Variants in SNTB1 observed in about 807,000 individuals in gnomAD.
SNTB1 encodes beta-1-syntrophin.
SNTB1 carries 36 observed loss-of-function variants against 48.9 expected under a neutral mutation model. The ratio of observed to expected loss-of-function variants is 0.74; its 90% confidence interval spans 0.56 to 0.97. The LOEUF (loss-of-function observed/expected upper bound fraction) is 0.97. SNTB1 is among the 50% of genes least tolerant of loss of function. The pLI is 0.00. For synonymous variants in SNTB1, 299 were observed against 294.6 expected, an observed-to-expected ratio of 1.01 and a Z score of -0.15; for missense variants, 786 against 703.4, an observed-to-expected ratio of 1.12 and a Z score of -1.33.
intron 1 of SNTB1, among the ~76,000 whole-genome samples, chr8:120,806,218 C>T (rs1195448090): frequency 6.6e-6 from 1 of 152,188 alleles, no homozygotes. Context: ...CAACGAAGTG[C>T]AGAAGGGGTG....
intron 1 of SNTB1, among the ~76,000 whole-genome samples, chr8:120,740,108 T>A (rs1323059517): frequency 6.6e-6 from 1 of 152,162 alleles, no homozygotes; most frequent in African/African-American, 2.4e-5. Flanking sequence ...TTAGATTCTT[T>A]AAATTTAGTG....
rs1563820248 is a variant in SNTB1, at chr8:120,571,478, GGTTTTTTTTTTT to G, written c.1136+3596_1136+3607del. On this transcript the variant is annotated intron_variant, in intron 4 of 6. Coordinates refer to ENST00000517992, the MANE Select transcript of SNTB1 (RefSeq NM_021021.4). ...GGATGTTTACATTCTGACTATTGAGGGTTTTTTTTTTTTTTTTTTTTTTTTTTTTTTTTTTTT... is the reference window on the plus strand; with the variant it reads ...GGATGTTTACATTCTGACTATTGAGGTTTTTTTTTTTTTTTTTTTTTTTTT... 73 of 242,882 alleles carry G rather than the reference GGTTTTTTTTTTT, an allele frequency of 3.0e-4. 1 individual carries two copies. The highest frequency in any genetic ancestry group is 1.0e-3 in the South Asian group (29 of 28,258). The allele number at this position is 242,882 out of a possible 1,614,324, so 15.0% of individuals were successfully genotyped here.
chr8:120,627,149 T>C (rs867685454), intron 3 of SNTB1, among the ~76,000 whole-genome samples: 9 of 152,204 alleles, frequency 5.9e-5, no homozygotes, highest in African/African-American at 2.2e-4. Context: ...TGGTCACCAG[T>C]CAGGATGTAC....
intron 5 of SNTB1, among the ~76,000 whole-genome samples, chr8:120,543,666 G>A (rs930760677): frequency 1.3e-5 from 2 of 152,142 alleles, no homozygotes; most frequent in African/African-American, 2.4e-5. Flanking sequence ...AATAATGACA[G>A]TAGGCGGGGA....
At chr8:120,617,235 T>C (rs1374366201) in intron 3 of SNTB1, among the ~76,000 whole-genome samples, 2 of 152,176 alleles carry the variant, frequency 1.3e-5, no homozygotes, top group Non-Finnish European at 2.9e-5. Context: ...AGTGAGCTCT[T>C]ACCATGTTAA....
chr8:120,569,042 C>T (rs1274530544), intron 4 of SNTB1, among the ~76,000 whole-genome samples: 8 of 152,134 alleles, frequency 5.3e-5, no homozygotes, highest in African/African-American at 9.7e-5. Context: ...AGTGCAGTGG[C>T]GCGATCTCGG....
intron 1 of SNTB1, among the ~76,000 whole-genome samples, chr8:120,802,471 G>T (rs751851418): frequency 6.6e-6 from 1 of 152,152 alleles, no homozygotes. Context: ...ACTGTGGTCT[G>T]GTTGATGGAA....
chr8:120,758,881 T>A (rs759356690), intron 1 of SNTB1, among the ~76,000 whole-genome samples: 1 of 152,170 alleles, frequency 6.6e-6, no homozygotes, highest in Non-Finnish European at 1.5e-5. Flanking sequence ...TCTGCATCCA[T>A]CCTATCATCT....
At chr8:120,673,577 T>A (rs1437878000) in intron 2 of SNTB1, among the ~76,000 whole-genome samples, 1 of 152,078 alleles carries the variant, frequency 6.6e-6, no homozygotes, top group Non-Finnish European at 1.5e-5. Context: ...AGGCGTAAGC[T>A]GCTGCACCCA....
rs1042645451 is a variant in SNTB1 at position 120,746,382 on chromosome 8, G to A, written c.572-52474C>T. On this transcript the variant is annotated intron_variant, in intron 1 of 6. Transcript: ENST00000517992. ...TACATAATATATGTTAATTGATTATGCTATTGGTAAGACTTTGGTCAACAG... is the reference window on the plus strand; with the variant it reads ...TACATAATATATGTTAATTGATTATACTATTGGTAAGACTTTGGTCAACAG... Among the ~76,000 whole-genome samples the A allele has an allele frequency of 1.8e-4, 27 of 151,918 alleles. 1 individual carries two copies. Among genetic ancestry groups the A allele is most frequent in the African/African-American group, 6.3e-4 (26 of 41,332 alleles).
intron 3 of SNTB1, among the ~76,000 whole-genome samples, chr8:120,601,621 AT>A (rs1450878404): frequency 6.6e-6 from 1 of 152,106 alleles, no homozygotes; most frequent in African/African-American, 2.4e-5. Context: ...CCTGACTCTC[AT>A]TGTGTGCCCT....
intron 1 of SNTB1, among the ~76,000 whole-genome samples, chr8:120,755,326 G>A (rs1819300126): frequency 6.6e-6 from 1 of 152,116 alleles, no homozygotes; most frequent in Non-Finnish European, 1.5e-5. Context: ...TAAGGCAATA[G>A]CTATCAGAAC....
intron 4 of SNTB1, among the ~76,000 whole-genome samples, chr8:120,571,761 A>T (rs1419822244): frequency 1.3e-5 from 2 of 152,016 alleles, no homozygotes; most frequent in Non-Finnish European, 2.9e-5. Flanking sequence ...GGCCTCCCAG[A>T]GTGCTGGGAT....
chr8:120,638,558 C>A (rs893336723), intron 2 of SNTB1, among the ~76,000 whole-genome samples: 3 of 152,110 alleles, frequency 2.0e-5, no homozygotes, highest in Non-Finnish European at 2.9e-5. Flanking sequence ...CCTCCTCACT[C>A]CCCTCACCCC....
chr8:120,621,691 A>G (rs989810439), intron 3 of SNTB1, among the ~76,000 whole-genome samples: 3 of 152,190 alleles, frequency 2.0e-5, no homozygotes, highest in African/African-American at 7.2e-5. Context: ...GAATGTGTCA[A>G]TTCTACACAG....
At chr8:120,714,505 A>G (rs1433060747) in intron 1 of SNTB1, among the ~76,000 whole-genome samples, 1 of 152,046 alleles carries the variant, frequency 6.6e-6, no homozygotes, top group Non-Finnish European at 1.5e-5. Flanking sequence ...TCTGGCAAAA[A>G]CATTCTTCAT....
intron 4 of SNTB1, among the ~76,000 whole-genome samples, chr8:120,561,809 T>C (rs1233655966): frequency 1.3e-5 from 2 of 152,200 alleles, no homozygotes; most frequent in Non-Finnish European, 1.5e-5. Flanking sequence ...CCTCCAGATA[T>C]TCTCCTACCA....
chr8:120,785,423 C>T (rs1563601732), intron 1 of SNTB1, among the ~76,000 whole-genome samples: 1 of 152,194 alleles, frequency 6.6e-6, no homozygotes, highest in Admixed American at 6.5e-5. Flanking sequence ...CCTCCCTTGC[C>T]AAATGCGTGG....
rs1447318274 is a variant in SNTB1, at chr8:120,606,403, GTA to G, written c.996+26039_996+26040del. Among the ~76,000 whole-genome samples the G allele has an allele frequency of 4.9e-4, 40 of 81,318 alleles. 1 individual carries two copies. Among genetic ancestry groups the G allele is most frequent in the South Asian group, 2.1e-3 (5 of 2,350 alleles). 53.3% of individuals were successfully genotyped at this position (81,318 alleles called of 152,430 possible). A position where few individuals can be genotyped will look rare whatever the true frequency, so the allele number is the denominator to read the frequency against. ...TAAAATACTATGTCAGTGCGTGTGT[GTA>G]TATATGTGTGTGTGTGTGTGTGTGT... On this transcript the variant is annotated intron_variant, in intron 3 of 6. Coordinates refer to ENST00000517992, the MANE Select transcript of SNTB1 (RefSeq NM_021021.4).
Sources: allele counts gnomAD v4.1 joint callset (sites outside exome capture counted in the v4.1 genomes callset), GRCh38; gene constraint gnomAD v4.1.1; transcripts MANE v1.5; gene names NCBI Gene and HGNC (gene_info 2026-07-23, HGNC 2026-07-21).